The following CDC14A variants were observed in gnomAD, a reference collection of about 807,000 sequenced individuals.
CDC14A encodes dual specificity protein phosphatase CDC14A.
CDC14A carries 53 observed loss-of-function variants against 74.4 expected under a neutral mutation model. The observed-to-expected ratio is 0.71, with a 90% confidence interval of 0.57 to 0.89. The LOEUF (loss-of-function observed/expected upper bound fraction) is 0.89, where lower values mean the gene tolerates loss of function less well. Among genes scored for constraint, CDC14A ranks in the 40% least tolerant of loss-of-function variants. The pLI is 0.00. For missense variants in CDC14A, 646 were observed against 713.7 expected (o/e 0.91, Z 1.08); for synonymous variants, 247 against 258.4 (o/e 0.96, Z 0.43).
At position 100,498,963 on chromosome 1, in the gene CDC14A, G is replaced by A. The variant is rs1257254693; in HGVS notation, c.1456G>A (p.Gly486Arg). Reference sequence around the variant, plus strand: ...AAACTCCCGGCTAGCCAGTTCTCTAGGGAACTTGAATGCTGCAACAGATGA... The same window carrying A: ...AAACTCCCGGCTAGCCAGTTCTCTAAGGAACTTGAATGCTGCAACAGATGA... ...SINSRLASSLGNLNAATDDPE... is the reference protein window; with the variant it reads ...SINSRLASSLRNLNAATDDPE... The change falls in exon 15 of 16, where the codon GGG (glycine) becomes AGG (arginine). Residue 486 changes from glycine (G) to arginine (R), a missense_variant. Coordinates refer to ENST00000336454, the MANE Select transcript of CDC14A (RefSeq NM_003672.4). The A allele has an allele frequency of 4.3e-6, 7 of 1,613,712 alleles. No homozygotes were observed. Among genetic ancestry groups the A allele is most frequent in the African/African-American group, 1.3e-5 (1 of 74,852 alleles).
chr1:100,396,274 C>T (rs1658464580), intron 4 of CDC14A, among the ~76,000 whole-genome samples: 1 of 152,134 alleles, frequency 6.6e-6, no homozygotes, highest in African/African-American at 2.4e-5. Context: ...AAGGAAGAGA[C>T]TAGGATGGCC....
intron 11 of CDC14A, among the ~76,000 whole-genome samples, chr1:100,491,572 A>ATATATTTTTT (rs1418515078): frequency 3.6e-4 from 9 of 25,104 alleles, no homozygotes; most frequent in African/African-American, 6.4e-4. Context: ...ATATATATAT[A>ATATATTTTTT]TTTTTTTTTT....
chr1:100,426,773 A>G (rs1663012685), intron 5 of CDC14A, among the ~76,000 whole-genome samples: 1 of 152,182 alleles, frequency 6.6e-6, no homozygotes, highest in East Asian at 1.9e-4. Context: ...TCCTACTAAA[A>G]GTATGCCTTT....
At chr1:100,420,794 G>A (rs1467975985) in intron 4 of CDC14A, among the ~76,000 whole-genome samples, 4 of 152,108 alleles carry the variant, frequency 2.6e-5, no homozygotes, top group African/African-American at 9.7e-5. Context: ...AATATAAATT[G>A]TGCTGGTTTG....
At chr1:100,368,029 A>G (rs1653908844) in intron 2 of CDC14A, among the ~76,000 whole-genome samples, 1 of 152,230 alleles carries the variant, frequency 6.6e-6, no homozygotes, top group African/African-American at 2.4e-5. Context: ...TGAACAAAAC[A>G]GGATAAAAAT....
intron 7 of CDC14A, among the ~76,000 whole-genome samples, chr1:100,445,470 A>G (rs1435549164): frequency 6.6e-6 from 1 of 152,212 alleles, no homozygotes; most frequent in African/African-American, 2.4e-5. Flanking sequence ...CAAATGGCCC[A>G]TTGTATTAAT....
At chr1:100,434,247 C>T (rs777472237) in intron 5 of CDC14A, among the ~76,000 whole-genome samples, 26 of 151,896 alleles carry the variant, frequency 1.7e-4, no homozygotes, top group African/African-American at 3.1e-4. Context: ...TGTGGCCAGG[C>T]GTGGTGGTTT....
intron 15 of CDC14A, among the ~76,000 whole-genome samples, chr1:100,502,127 G>A (rs554980876): frequency 7.5e-4 from 114 of 152,186 alleles, no homozygotes; most frequent in African/African-American, 2.6e-3. Flanking sequence ...ATTCATGAAA[G>A]AAAAATTTTT....
chr1:100,418,181 GTA>G (rs35664598), intron 4 of CDC14A, among the ~76,000 whole-genome samples: 4,247 of 152,146 alleles, frequency 0.028, 149 homozygotes, highest in African/African-American at 0.083. Context: ...CTGGCACATG[GTA>G]TATACTGTTA....
chr1:100,369,216 C>T (rs1432660704), intron 2 of CDC14A, among the ~76,000 whole-genome samples: 1 of 152,002 alleles, frequency 6.6e-6, no homozygotes, highest in African/African-American at 2.4e-5. Context: ...TCAAGCGATT[C>T]TCCTGCCTCA....
intron 7 of CDC14A, 48 bp downstream of exon 7, chr1:100,443,044 AT>A (rs758647261): frequency 7.8e-6 from 10 of 1,286,558 alleles, no homozygotes; most frequent in East Asian, 2.3e-5. Context: ...ATGTTGATTA[AT>A]TTTTTCCCCC....
chr1:100,358,594 A>G (rs1389409009), intron 2 of CDC14A, among the ~76,000 whole-genome samples: 1 of 152,274 alleles, frequency 6.6e-6, no homozygotes. Context: ...AAGTGACTTG[A>G]AGAATTTCAC....
At chr1:100,415,092 T>A (rs1359830652) in intron 4 of CDC14A, among the ~76,000 whole-genome samples, 4 of 152,152 alleles carry the variant, frequency 2.6e-5, no homozygotes, top group Non-Finnish European at 5.9e-5. Flanking sequence ...TGGAAGGATA[T>A]CTTTTTAGGC....
intron 2 of CDC14A, among the ~76,000 whole-genome samples, chr1:100,360,661 G>A (rs571983970): frequency 5.3e-5 from 8 of 152,156 alleles, no homozygotes; most frequent in Non-Finnish European, 8.8e-5. Flanking sequence ...TCTTAATTCT[G>A]TAATCCAGGG....
intron 9 of CDC14A, among the ~76,000 whole-genome samples, chr1:100,465,820 C>T (rs17122590): frequency 0.059 from 8,912 of 152,206 alleles, 884 homozygotes; most frequent in African/African-American, 0.2. Context: ...ATGTGATTAT[C>T]GATGTTCTAT....
chr1:100,508,533 G>A lies in CDC14A; in HGVS notation c.1755+9271G>A, dbSNP rs1426941037. Among the ~76,000 whole-genome samples the A allele has an allele frequency of 6.6e-6, 1 of 152,040 alleles. No individual in the cohort carries two copies. Among genetic ancestry groups the A allele is most frequent in the Non-Finnish European group, 1.5e-5 (1 of 68,018 alleles). ...CTCTGTTTTTCCCTCCTCGTCTGCT[G>A]GCCTTCTTGTTGGCTCTGCCCGATC... On this transcript the variant is annotated intron_variant, in intron 15 of 15. Coordinates refer to ENST00000336454, the MANE Select transcript of CDC14A (RefSeq NM_003672.4). This position sits in a 1 kb window ranked among gnomAD's most constrained non-coding sequence, Gnocchi z 4.4.
At chr1:100,509,328 T>G (rs1649508108) in intron 15 of CDC14A, among the ~76,000 whole-genome samples, 1 of 152,180 alleles carries the variant, frequency 6.6e-6, no homozygotes, top group African/African-American at 2.4e-5. Flanking sequence ...TCATCCCTCT[T>G]TTGTGTTGAG....
intron 15 of CDC14A, among the ~76,000 whole-genome samples, chr1:100,515,459 C>A (rs756141774): frequency 1.9e-4 from 28 of 150,850 alleles, no homozygotes; most frequent in Non-Finnish European, 4.0e-4. Context: ...TCTGAGCTCG[C>A]TGCAGTTTCC....
intron 10 of CDC14A, among the ~76,000 whole-genome samples, chr1:100,480,401 C>T (rs186890440): frequency 4.6e-5 from 7 of 152,226 alleles, no homozygotes; most frequent in South Asian, 2.1e-4. Flanking sequence ...TGTTGATGGA[C>T]GTTTGAGTTA....
Sources: allele counts gnomAD v4.1 joint callset (sites outside exome capture counted in the v4.1 genomes callset), GRCh38; gene constraint gnomAD v4.1.1; non-coding constraint Gnocchi (gnomAD v3.1); transcripts MANE v1.5; gene names NCBI Gene and HGNC (gene_info 2026-07-23, HGNC 2026-07-21).